Variants in CNTN1 observed in about 807,000 individuals in gnomAD.
CNTN1 encodes contactin-1.
In CNTN1, 38 loss-of-function variants were observed where a neutral mutation model predicts 126.4. The observed-to-expected ratio is 0.30, with a 90% confidence interval of 0.23 to 0.39. The LOEUF (loss-of-function observed/expected upper bound fraction) is 0.39. Among genes scored for constraint, CNTN1 ranks in the 10% least tolerant of loss-of-function variants. The pLI, the probability that CNTN1 is intolerant of heterozygous loss-of-function variation, is 1.00. For synonymous variants in CNTN1, 413 were observed against 422.6 expected (o/e 0.98, Z 0.28); for missense variants, 1,009 against 1,248.4 (o/e 0.81, Z 2.89).
intron 14 of CNTN1, among the ~76,000 whole-genome samples, chr12:40,951,322 C>T (rs1330566713): frequency 6.6e-6 from 1 of 152,096 alleles, no homozygotes; most frequent in Non-Finnish European, 1.5e-5. Flanking sequence ...TATGCAAACA[C>T]ACTCTTAGTA....
At chr12:40,943,861 G>A (rs1388652589) in intron 13 of CNTN1, 134 bp from the exon 14 acceptor site, 4 of 1,387,752 alleles carry the variant, frequency 2.9e-6, no homozygotes, top group African/African-American at 2.9e-5. Flanking sequence ...TGATGATATT[G>A]TTCTTGGAAT....
At chr12:40,888,938 C>G (rs555758665) in intron 1 of CNTN1, among the ~76,000 whole-genome samples, 2 of 152,266 alleles carry the variant, frequency 1.3e-5, no homozygotes, top group African/African-American at 4.8e-5. Flanking sequence ...TGCTTCCCCT[C>G]CTGCCACTCG....
intron 8 of CNTN1, 39 bp from the exon 9 acceptor site, chr12:40,933,658 A>C: frequency 3.8e-6 from 6 of 1,589,422 alleles, no homozygotes; most frequent in African/African-American, 1.3e-5. Context: ...TTGTCTTTTA[A>C]GTGTGTGAAA....
At chr12:40,863,838 GT>G (rs1943195678) in intron 1 of CNTN1, among the ~76,000 whole-genome samples, 1 of 151,856 alleles carries the variant, frequency 6.6e-6, no homozygotes, top group African/African-American at 2.4e-5. Flanking sequence ...CTGGGACCTG[GT>G]GCCAAAGAGA....
intron 1 of CNTN1, among the ~76,000 whole-genome samples, chr12:40,857,993 G>T (rs1257083721): frequency 1.3e-5 from 2 of 152,146 alleles, no homozygotes; most frequent in Non-Finnish European, 2.9e-5. Flanking sequence ...TAGGAGCATG[G>T]GCACAGCTTA....
At chr12:40,818,138 G>A (rs1295203482) in intron 1 of CNTN1, among the ~76,000 whole-genome samples, 1 of 152,014 alleles carries the variant, frequency 6.6e-6, no homozygotes, top group African/African-American at 2.4e-5. Context: ...ATGATTATGT[G>A]TCTTAGGGTT....
intron 7 of CNTN1, 37 bp downstream of exon 7, chr12:40,930,039 G>T (rs757271845): frequency 1.4e-6 from 2 of 1,433,604 alleles, no homozygotes; most frequent in East Asian, 2.3e-5. Context: ...TTTTCGCAAG[G>T]TTATCTACAT....
intron 1 of CNTN1, among the ~76,000 whole-genome samples, chr12:40,788,648 A>G (rs905793428): frequency 2.0e-5 from 3 of 152,058 alleles, no homozygotes; most frequent in Non-Finnish European, 4.4e-5. Flanking sequence ...CTGTGACCCA[A>G]TCTTGAGGAG....
At chr12:40,707,318 A>C (rs1253132555) in intron 1 of CNTN1, among the ~76,000 whole-genome samples, 1 of 135,654 alleles carries the variant, frequency 7.4e-6, no homozygotes, top group African/African-American at 2.9e-5. Context: ...GTGCAATCTC[A>C]GCTCACTACA....
chr12:41,008,432 T>C (rs561907828), intron 17 of CNTN1, among the ~76,000 whole-genome samples: 7 of 152,170 alleles, frequency 4.6e-5, no homozygotes, highest in Non-Finnish European at 1.0e-4. Flanking sequence ...GAAAAACATA[T>C]ATACCCCCGT....
intron 15 of CNTN1, among the ~76,000 whole-genome samples, chr12:40,968,194 C>A (rs1439395489): frequency 6.6e-6 from 1 of 152,090 alleles, no homozygotes; most frequent in Non-Finnish European, 1.5e-5. Flanking sequence ...CAGCTCATGG[C>A]TGTAGCACAC....
chr12:40,877,338 T>C (rs1262360301), intron 1 of CNTN1, among the ~76,000 whole-genome samples: 1 of 152,176 alleles, frequency 6.6e-6, no homozygotes, highest in Non-Finnish European at 1.5e-5. Context: ...GCATAGGTCC[T>C]GAGAGATGAG....
At chr12:40,966,016 AC>A (rs1456396123) in intron 15 of CNTN1, among the ~76,000 whole-genome samples, 1 of 151,178 alleles carries the variant, frequency 6.6e-6, no homozygotes, top group Admixed American at 6.6e-5. Flanking sequence ...ACACACACAC[AC>A]ACACACACAC....
intron 1 of CNTN1, among the ~76,000 whole-genome samples, chr12:40,751,720 C>T (rs1325483803): frequency 2.0e-5 from 3 of 151,944 alleles, no homozygotes; most frequent in African/African-American, 7.3e-5. Flanking sequence ...GTATCAGACC[C>T]ACAGCATTAC....
At chr12:40,860,818 C>A (rs934245998) in intron 1 of CNTN1, among the ~76,000 whole-genome samples, 1 of 151,992 alleles carries the variant, frequency 6.6e-6, no homozygotes, top group Non-Finnish European at 1.5e-5. Context: ...GATTCATTGG[C>A]CATTGGCAGA....
chr12:40,760,941 C>T (rs1035884942), intron 1 of CNTN1, among the ~76,000 whole-genome samples: 3 of 151,778 alleles, frequency 2.0e-5, no homozygotes, highest in Middle Eastern at 3.2e-3. Context: ...ATGATATGCT[C>T]CAGAACACTG....
intron 17 of CNTN1, among the ~76,000 whole-genome samples, chr12:41,005,885 C>T (rs1023771050): frequency 6.6e-6 from 1 of 152,122 alleles, no homozygotes; most frequent in Non-Finnish European, 1.5e-5. Context: ...GCTCAGTAAT[C>T]TTCATTCCTG....
At chr12:40,961,113 A>C (rs1947093817) in intron 15 of CNTN1, among the ~76,000 whole-genome samples, 1 of 152,056 alleles carries the variant, frequency 6.6e-6, no homozygotes. Context: ...CAATAAAAAG[A>C]AGCTATAGCC....
intron 15 of CNTN1, among the ~76,000 whole-genome samples, chr12:40,966,621 T>C (rs1009285220): frequency 1.3e-5 from 2 of 152,196 alleles, no homozygotes; most frequent in African/African-American, 4.8e-5. Context: ...CTTTCCCAAT[T>C]ACTTCTGGAA....
Sources: gnomAD v4.1 joint callset for allele counts (sites outside exome capture counted in the v4.1 genomes callset) on GRCh38, gnomAD v4.1.1 for gene constraint, MANE v1.5 for transcripts, NCBI Gene and HGNC (gene_info 2026-07-23, HGNC 2026-07-21) for gene names.